OCA2: variants seen among roughly 807,000 people sequenced by gnomAD.
OCA2 encodes OCA2 melanosomal transmembrane protein.
A neutral mutation model predicts 100.2 loss-of-function variants in OCA2; 77 were observed. The ratio of observed to expected loss-of-function variants is 0.77; its 90% CI spans 0.64 to 0.93. OCA2 has a LOEUF of 0.93. OCA2 is among the 40% of genes least tolerant of loss of function. OCA2 has a pLI of 0.00. For missense variants in OCA2, 1,062 were observed against 1,089.1 expected, an observed-to-expected ratio of 0.98 and a Z score of 0.35; for synonymous variants, 432 against 439.2, an observed-to-expected ratio of 0.98 and a Z score of 0.21.
At chr15:27,774,516 C>A (rs1167266919) in intron 23 of OCA2, among the ~76,000 whole-genome samples, 1 of 152,238 alleles carries the variant, frequency 6.6e-6, no homozygotes, top group Non-Finnish European at 1.5e-5. Flanking sequence ...ACCATTTCCA[C>A]TTCTCTGATC....
intron 16 of OCA2, among the ~76,000 whole-genome samples, chr15:27,955,888 C>T (rs932566963): frequency 5.3e-5 from 8 of 152,132 alleles, no homozygotes; most frequent in African/African-American, 1.4e-4. Flanking sequence ...CAGCCCACCC[C>T]TCCTGGCTGA....
At chr15:27,762,712 A>G (rs1360493057) in intron 23 of OCA2, among the ~76,000 whole-genome samples, 1 of 152,180 alleles carries the variant, frequency 6.6e-6, no homozygotes, top group East Asian at 1.9e-4. Flanking sequence ...CAGCCAGGTA[A>G]CATTTGTTCC....
intron 2 of OCA2, among the ~76,000 whole-genome samples, chr15:28,050,180 G>C (rs939266017): frequency 6.6e-6 from 1 of 152,188 alleles, no homozygotes; most frequent in Non-Finnish European, 1.5e-5. Flanking sequence ...AGCTACTCAG[G>C]AGGGTGAGGT....
intron 15 of OCA2, among the ~76,000 whole-genome samples, chr15:27,958,426 G>A (rs2040302293): frequency 6.6e-6 from 1 of 152,194 alleles, no homozygotes; most frequent in African/African-American, 2.4e-5. Flanking sequence ...GTAATTCTCA[G>A]GAGAAGGTGC....
chr15:27,800,903 G>C (rs772625794), intron 23 of OCA2, among the ~76,000 whole-genome samples: 4 of 129,558 alleles, frequency 3.1e-5, no homozygotes, highest in Non-Finnish European at 6.7e-5. Flanking sequence ...GGGAGGTCCA[G>C]GCTGCAGGAA....
chr15:27,844,176 C>T (rs1334867007), intron 23 of OCA2, among the ~76,000 whole-genome samples: 1 of 152,176 alleles, frequency 6.6e-6, no homozygotes, highest in Non-Finnish European at 1.5e-5. Context: ...AGAGGAGGCT[C>T]TACTCTGCAG....
At chr15:27,788,466 A>G (rs2032924671) in intron 23 of OCA2, among the ~76,000 whole-genome samples, 1 of 152,054 alleles carries the variant, frequency 6.6e-6, no homozygotes, top group Non-Finnish European at 1.5e-5. Flanking sequence ...CTTCTCTAGT[A>G]GTATTTTCTG....
At chr15:27,946,301 GT>G (rs1183085710) in intron 18 of OCA2, among the ~76,000 whole-genome samples, 3 of 152,188 alleles carry the variant, frequency 2.0e-5, no homozygotes, top group African/African-American at 7.2e-5. Flanking sequence ...CTCTATTTGA[GT>G]CCTTGTGGAT....
At chr15:27,726,833 T>C in the OCA2 span, among the ~76,000 whole-genome samples, 2 of 152,372 alleles carry the variant, frequency 1.3e-5, no homozygotes, top group Admixed American at 1.3e-4. Flanking sequence ...AGAAGAAATG[T>C]TCTTCGTCTC....
intron 14 of OCA2, among the ~76,000 whole-genome samples, chr15:27,976,538 T>G (rs2040971960): frequency 6.6e-6 from 1 of 152,202 alleles, no homozygotes; most frequent in African/African-American, 2.4e-5. Context: ...TTTAGTTTGT[T>G]AGTATAGTAA....
chr15:27,985,077 G>C lies in OCA2; in HGVS notation c.1351C>G (p.Pro451Ala). ...TGCTTTGCGTACCTTATGGTCACAG[G>C]CGTGAAGAGGAGCATGGTGGTGACG... ...DNVTTMLLFT[P>A]VTIRLCEVLN... The change falls in exon 13 of 24, where the codon CCT (proline) becomes GCT (alanine). Residue 451 changes from proline to alanine, a missense_variant. By Grantham distance (27) the Pro-to-Ala change is conservative. Coordinates refer to ENST00000354638, the MANE Select transcript of OCA2 (RefSeq NM_000275.3). 1.9e-6 allele frequency: 3 copies of C among 1,613,948 alleles called. No individual in the cohort carries two copies. The highest frequency in any genetic ancestry group is 2.5e-6 in the Non-Finnish European group (3 of 1,179,898).
At position 28,043,601 on chromosome 15, in the gene OCA2, C is replaced by T. The variant is rs1022918063; in HGVS notation, c.228-11438G>A. ...AGACTCCTGTTTAGAGAACCACTGC[C>T]ATGTAATTAAGCAAGTTTTCAAATC... On this transcript the variant is annotated intron_variant, in intron 2 of 23. Coordinates refer to ENST00000354638, the MANE Select transcript of OCA2 (RefSeq NM_000275.3). This position sits in a 1 kb window ranked among gnomAD's most constrained non-coding sequence, Gnocchi z 4.4. 2.6e-5 allele frequency among the ~76,000 whole-genome samples: 4 copies of T among 152,104 alleles called. No individual in the cohort carries two copies. Among genetic ancestry groups the T allele is most frequent in the East Asian group, 1.9e-4 (1 of 5,190 alleles).
chr15:27,749,240 T>C, the OCA2 span, among the ~76,000 whole-genome samples: 134 of 152,164 alleles, frequency 8.8e-4, 2 homozygotes, highest in South Asian at 3.5e-3. Flanking sequence ...AACTTATCTG[T>C]AGGGGAAAAT....
chr15:27,833,913 G>A (rs996912157), intron 23 of OCA2, among the ~76,000 whole-genome samples: 1 of 152,268 alleles, frequency 6.6e-6, no homozygotes, highest in African/African-American at 2.4e-5. Flanking sequence ...CAGGCACCTC[G>A]AGGGCCCTTT....
At chr15:28,057,884 C>T (rs554600112) in intron 2 of OCA2, among the ~76,000 whole-genome samples, 1 of 152,260 alleles carries the variant, frequency 6.6e-6, no homozygotes, top group East Asian at 1.9e-4. Context: ...AAGACTGATC[C>T]CTTCCCAGAT....
At chr15:27,855,610 T>A (rs117010593) in intron 21 of OCA2, among the ~76,000 whole-genome samples, 1,540 of 152,334 alleles carry the variant, frequency 0.01, 10 homozygotes, top group Admixed American at 0.015. Flanking sequence ...TTAACACTTA[T>A]CCCTCCTCCA....
intron 18 of OCA2, among the ~76,000 whole-genome samples, chr15:27,935,085 T>C (rs1477300573): frequency 6.6e-6 from 1 of 152,144 alleles, no homozygotes; most frequent in African/African-American, 2.4e-5. Flanking sequence ...CAGTGGTTCT[T>C]CCACAGTGTA....
intron 4 of OCA2, among the ~76,000 whole-genome samples, chr15:28,026,824 C>A (rs2042762890): frequency 2.0e-5 from 3 of 152,194 alleles, no homozygotes; most frequent in Admixed American, 1.3e-4. Context: ...AGACTGGTCC[C>A]CACACACAGA....
chr15:27,853,520 A>G (rs2035839497), intron 21 of OCA2, among the ~76,000 whole-genome samples: 1 of 151,236 alleles, frequency 6.6e-6, no homozygotes. Flanking sequence ...ACATGTATAC[A>G]TATGTAACTA....
Sources: allele counts gnomAD v4.1 joint callset (sites outside exome capture counted in the v4.1 genomes callset), GRCh38; gene constraint gnomAD v4.1.1; non-coding constraint Gnocchi (gnomAD v3.1); transcripts MANE v1.5; gene names NCBI Gene and HGNC (gene_info 2026-07-23, HGNC 2026-07-21).